The following MAPT variants were observed in gnomAD, a reference collection of about 807,000 sequenced individuals.
The protein encoded by MAPT is microtubule associated protein tau.
In MAPT, 34 loss-of-function variants were observed where a neutral mutation model predicts 67.9. The observed-to-expected ratio is 0.50, with a 90% CI of 0.38 to 0.67. The LOEUF (loss-of-function observed/expected upper bound fraction) is 0.67, where lower values mean the gene tolerates loss of function less well. MAPT is among the 30% of genes least tolerant of loss of function. The probability of loss-of-function intolerance (pLI) is 0.00; values close to 1 mark genes in which losing one functional copy is unlikely to be tolerated. For synonymous variants in MAPT, 456 were observed against 464.5 expected, an observed-to-expected ratio of 0.98 and a Z score of 0.23; for missense variants, 881 against 1,115.2, an observed-to-expected ratio of 0.79 and a Z score of 2.99.
intron 9 of MAPT, among the ~76,000 whole-genome samples, chr17:46,005,249 C>T (rs943643796): frequency 6.6e-6 from 1 of 152,198 alleles, no homozygotes; most frequent in African/African-American, 2.4e-5. Flanking sequence ...TAACCCATGA[C>T]ATTTCCCTTT....
At chr17:46,016,494 A>G (rs62062278) in intron 11 of MAPT, among the ~76,000 whole-genome samples, 21,789 of 152,162 alleles carry the variant, frequency 0.14, 2,129 homozygotes, top group Non-Finnish European at 0.22. Flanking sequence ...GCTGTCGGCC[A>G]GGCGCGGTGG....
At chr17:45,977,873 G>A (rs1444444315) in intron 3 of MAPT, 9 of 165,468 alleles carry the variant, frequency 5.4e-5, no homozygotes, top group Admixed American at 5.1e-4. Flanking sequence ...AGACAAACTA[G>A]TATCTTCATC....
intron 1 of MAPT, among the ~76,000 whole-genome samples, chr17:45,944,768 G>C (rs925896958): frequency 2.0e-5 from 3 of 152,220 alleles, no homozygotes; most frequent in African/African-American, 7.2e-5. Context: ...AGTGACCCAA[G>C]GGTGCCTCTG....
rs570442664 is a variant in MAPT, at chr17:45,955,821, C to T, written c.-17-6500C>T. 2.6e-5 allele frequency among the ~76,000 whole-genome samples: 4 copies of T among 152,194 alleles called. No homozygotes were observed. The South Asian group carries it at 6.2e-4, about 24-fold the overall frequency. ...TGCAATCTCAGCTCACTGCAACCTC[C>T]GCCTCCTAGGTTCAAGCGATTCTCC... On this transcript the variant is annotated intron_variant, in intron 1 of 12. Transcript: ENST00000262410.
chr17:45,942,416 C>A (rs2068080995), intron 1 of MAPT, among the ~76,000 whole-genome samples: 1 of 152,226 alleles, frequency 6.6e-6, no homozygotes, highest in Non-Finnish European at 1.5e-5. Context: ...CAGGGTCTGC[C>A]ATCTGCCCTG....
intron 9 of MAPT, among the ~76,000 whole-genome samples, chr17:46,009,981 G>A (rs540012232): frequency 6.6e-6 from 1 of 152,178 alleles, no homozygotes; most frequent in Non-Finnish European, 1.5e-5. Flanking sequence ...GCTGGTGAAC[G>A]CTCCCCTCTG....
intron 8 of MAPT, among the ~76,000 whole-genome samples, chr17:45,992,455 G>A (rs572628187): frequency 6.6e-6 from 1 of 152,230 alleles, no homozygotes; most frequent in Non-Finnish European, 1.5e-5. Context: ...GACGTTAGGA[G>A]TCTGCTGCAA....
intron 1 of MAPT, among the ~76,000 whole-genome samples, chr17:45,919,293 G>A (rs931003704): frequency 5.9e-5 from 9 of 151,992 alleles, no homozygotes; most frequent in African/African-American, 1.9e-4. Flanking sequence ...TCCTGGGACC[G>A]ATTGTGTTCT....
intron 1 of MAPT, among the ~76,000 whole-genome samples, chr17:45,933,021 G>A (rs1339630025): frequency 6.6e-6 from 1 of 152,108 alleles, no homozygotes; most frequent in Admixed American, 6.5e-5. Context: ...GGCGGAGATT[G>A]CAGTGGGCCA....
chr17:45,908,100 G>A (rs2064456860), intron 1 of MAPT: 1 of 152,254 alleles, frequency 6.6e-6, no homozygotes, highest in African/African-American at 2.4e-5. Context: ...ACATGAGCCT[G>A]GAGAAATTAT....
intron 5 of MAPT, 50 bp from the exon 6 acceptor site, chr17:45,986,990 G>T: frequency 1.3e-6 from 2 of 1,539,772 alleles, no homozygotes; most frequent in South Asian, 2.3e-5. Flanking sequence ...GGCTTTCTGT[G>T]AACAGTGAAA....
intron 1 of MAPT, among the ~76,000 whole-genome samples, chr17:45,900,367 TGAG>T (rs1174418512): frequency 6.6e-6 from 1 of 152,160 alleles, no homozygotes; most frequent in Non-Finnish European, 1.5e-5. Context: ...CAACTGAGTG[TGAG>T]GAGGAATTTG....
In MAPT at chr17:45,983,535, G is replaced by T. The variant is rs192840932; in HGVS notation, c.956G>T (p.Arg319Leu). 9.9e-6 allele frequency: 16 copies of T among 1,612,840 alleles called. No individual in the cohort carries two copies. The South Asian group carries it at 1.5e-4, about 15-fold the overall frequency. The change falls in exon 5 of 13, where the codon CGG becomes CTG. Residue 319 changes from arginine (R) to leucine (L), a missense_variant. Physicochemically the swap from Arg to Leu is moderately radical, Grantham distance 102. Around this residue, in one of 6 missense-constraint regions of MAPT, gnomAD observed 687 missense variants for 766.1 expected, o/e 0.90. Transcript: ENST00000262410. ...AAGGCCTCCCCAGCCCAAGATGGGC[G>T]GCCTCCCCAGACAGCCGCCAGAGAA... ...PSKASPAQDGRPPQTAAREAT... is the reference protein window; with the variant it reads ...PSKASPAQDGLPPQTAAREAT...
At chr17:45,999,129 G>A in intron 9 of MAPT, 2 of 1,341,146 alleles carry the variant, frequency 1.5e-6, no homozygotes, top group South Asian at 1.5e-5. Flanking sequence ...GGTGGGGAAT[G>A]TCCTTCTCTC....
intron 1 of MAPT, among the ~76,000 whole-genome samples, chr17:45,940,102 T>C (rs2067720594): frequency 6.6e-6 from 1 of 152,230 alleles, no homozygotes; most frequent in African/African-American, 2.4e-5. Flanking sequence ...AGACAGCCTA[T>C]ATACTACAAG....
Position 45,983,728 on chromosome 17 carries a change from A to C in MAPT, c.1149A>C (p.Thr383=), listed in dbSNP as rs1336038977. 1 of 1,614,126 alleles carries C rather than the reference A, an allele frequency of 6.2e-7. No homozygotes were observed. Among genetic ancestry groups the C allele is most frequent in the African/African-American group, 1.3e-5 (1 of 75,044 alleles). The change falls in exon 5 of 13, where the codon ACA becomes ACC. Residue 383 remains threonine (T), a synonymous_variant. Coordinates refer to ENST00000262410, the MANE Select transcript of MAPT (RefSeq NM_001377265.1). ...AGTTCACGTTTCACGTGGAAATCAC[A>C]CCCAACGTGCAGAAGGAGCAGGCGC... is the stretch of plus-strand genomic sequence containing the variant. ...PLEFTFHVEI[T]PNVQKEQAHS...
intron 1 of MAPT, among the ~76,000 whole-genome samples, chr17:45,953,115 A>G (rs1465561484): frequency 1.3e-5 from 2 of 152,206 alleles, no homozygotes; most frequent in Non-Finnish European, 2.9e-5. Context: ...CTTCTCTGGC[A>G]GGTGCTGGGT....
At chr17:45,921,395 C>A (rs562207535) in intron 1 of MAPT, among the ~76,000 whole-genome samples, 1 of 152,324 alleles carries the variant, frequency 6.6e-6, no homozygotes, top group Admixed American at 6.5e-5. Flanking sequence ...GCATTCCCCA[C>A]GCACATTAGC....
intron 1 of MAPT, among the ~76,000 whole-genome samples, chr17:45,935,462 C>G (rs1465695344): frequency 1.3e-5 from 2 of 152,146 alleles, no homozygotes; most frequent in Non-Finnish European, 1.5e-5. Context: ...TCCCCACCCC[C>G]TCGGAACTCA....
Sources: gnomAD v4.1 joint callset for allele counts (sites outside exome capture counted in the v4.1 genomes callset) on GRCh38, gnomAD v4.1.1 for gene constraint, gnomAD v4.1.1 regional missense constraint, MANE v1.5 for transcripts, NCBI Gene and HGNC (gene_info 2026-07-23, HGNC 2026-07-21) for gene names.